Variants in PTPRD observed in about 807,000 individuals in gnomAD.
The protein encoded by PTPRD is protein tyrosine phosphatase receptor type D.
A neutral mutation model predicts 214.5 loss-of-function variants in PTPRD; 34 were observed. The observed-to-expected ratio is 0.16, with a 90% CI of 0.12 to 0.21. The LOEUF (loss-of-function observed/expected upper bound fraction) is 0.21. Ranked by LOEUF, PTPRD falls within the 10% of genes least tolerant of loss-of-function variation. PTPRD has a pLI of 1.00. For missense variants in PTPRD, 2,545 were observed against 2,398.7 expected (o/e 1.06, Z -1.27); for synonymous variants, 1,128 against 845.7 (o/e 1.33, Z -5.79).
At chr9:9,855,509 A>G (rs1206252308) in intron 5 of PTPRD, among the ~76,000 whole-genome samples, 1 of 152,226 alleles carries the variant, frequency 6.6e-6, no homozygotes, top group Non-Finnish European at 1.5e-5. Context: ...TTTAAAAGTA[A>G]AGCAGGATAT....
intron 14 of PTPRD, among the ~76,000 whole-genome samples, chr9:8,608,068 T>C (rs7853846): frequency 0.032 from 4,802 of 152,264 alleles, 273 homozygotes; most frequent in African/African-American, 0.11. Flanking sequence ...TACACTGTTT[T>C]TCCATTATTC....
intron 24 of PTPRD, among the ~76,000 whole-genome samples, 199 bp from the exon 25 acceptor site, chr9:8,500,039 C>G (rs2097359528): frequency 1.5e-5 from 1 of 65,512 alleles, no homozygotes; most frequent in South Asian, 4.0e-4. Context: ...GATCAAAAAA[C>G]ATGACCGATG....
intron 8 of PTPRD, among the ~76,000 whole-genome samples, chr9:9,555,126 GAA>G (rs2081207375): frequency 6.6e-6 from 1 of 152,042 alleles, no homozygotes; most frequent in Non-Finnish European, 1.5e-5. Flanking sequence ...ATGGACTTTA[GAA>G]GACTGTGTTT....
intron 11 of PTPRD, among the ~76,000 whole-genome samples, chr9:8,757,342 G>C (rs1018119430): frequency 6.6e-6 from 1 of 152,078 alleles, no homozygotes; most frequent in Non-Finnish European, 1.5e-5. Flanking sequence ...GTTTGAATGA[G>C]AATATGTAGA....
chr9:9,771,868 A>G (rs1278105353), intron 5 of PTPRD, among the ~76,000 whole-genome samples: 2 of 152,228 alleles, frequency 1.3e-5, no homozygotes, highest in Non-Finnish European at 2.9e-5. Context: ...ATCCAGAACA[A>G]TAAGTGTGCA....
chr9:10,587,143 T>C (rs983977871), intron 2 of PTPRD, among the ~76,000 whole-genome samples: 4 of 152,034 alleles, frequency 2.6e-5, no homozygotes, highest in Non-Finnish European at 5.9e-5. Context: ...AAAAGACCCA[T>C]TGTGACAGGT....
chr9:8,956,826 C>A (rs2099133982), intron 11 of PTPRD, among the ~76,000 whole-genome samples: 1 of 151,850 alleles, frequency 6.6e-6, no homozygotes, highest in African/African-American at 2.4e-5. Flanking sequence ...TGAATCTTAA[C>A]CCTTGATGCA....
At chr9:10,179,062 A>G (rs2099266585) in intron 3 of PTPRD, among the ~76,000 whole-genome samples, 1 of 152,046 alleles carries the variant, frequency 6.6e-6, no homozygotes, top group African/African-American at 2.4e-5. Context: ...TATGCTATAG[A>G]TAAAATGCTA....
At chr9:9,862,161 G>A (rs914478204) in intron 5 of PTPRD, among the ~76,000 whole-genome samples, 2 of 151,378 alleles carry the variant, frequency 1.3e-5, no homozygotes, top group Non-Finnish European at 2.9e-5. Flanking sequence ...CCCACAAGCA[G>A]TATTAAAGAC....
chr9:8,731,515 A>G (rs1248344043), intron 12 of PTPRD, among the ~76,000 whole-genome samples: 1 of 152,208 alleles, frequency 6.6e-6, no homozygotes, highest in Non-Finnish European at 1.5e-5. Context: ...GAATAAATCA[A>G]ATTTTTCTGT....
chr9:10,554,259 T>A (rs1035363201), intron 2 of PTPRD, among the ~76,000 whole-genome samples: 1 of 152,204 alleles, frequency 6.6e-6, no homozygotes, highest in East Asian at 1.9e-4. Context: ...TTTTCCCCAA[T>A]GGATTTTACT....
chr9:8,912,972 T>A (rs938301396), intron 11 of PTPRD, among the ~76,000 whole-genome samples: 1 of 152,128 alleles, frequency 6.6e-6, no homozygotes, highest in African/African-American at 2.4e-5. Flanking sequence ...TTAATTATAA[T>A]GATGATGATT....
chr9:8,324,679 G>C (rs143149175), intron 44 of PTPRD, among the ~76,000 whole-genome samples: 93 of 152,208 alleles, frequency 6.1e-4, no homozygotes, highest in South Asian at 3.5e-3. Context: ...TCACCAAACT[G>C]TCTTCCACAC....
intron 14 of PTPRD, among the ~76,000 whole-genome samples, chr9:8,571,432 A>G (rs1400939972): frequency 6.6e-6 from 1 of 152,176 alleles, no homozygotes; most frequent in Non-Finnish European, 1.5e-5. Context: ...GTAACTGAGA[A>G]TTCTAAAGTT....
chr9:9,956,717 G>C (rs1407952064), intron 4 of PTPRD, among the ~76,000 whole-genome samples: 3 of 152,216 alleles, frequency 2.0e-5, no homozygotes, highest in East Asian at 3.9e-4. Context: ...GCCCATAGGA[G>C]CTAGTTACCT....
chr9:9,484,918 T>A (rs553807345), intron 8 of PTPRD, among the ~76,000 whole-genome samples: 16 of 152,312 alleles, frequency 1.1e-4, no homozygotes, highest in African/African-American at 3.8e-4. Flanking sequence ...ATTAGAAGCA[T>A]CAATGCATTG....
intron 12 of PTPRD, among the ~76,000 whole-genome samples, chr9:8,728,748 G>A (rs983491412): frequency 2.0e-5 from 3 of 152,176 alleles, no homozygotes; most frequent in Non-Finnish European, 2.9e-5. Flanking sequence ...AGGAGGCTGA[G>A]GCAAGTGGAT....
chr9:8,945,488 A>G (rs1164961120), intron 11 of PTPRD, among the ~76,000 whole-genome samples: 4 of 151,814 alleles, frequency 2.6e-5, no homozygotes, highest in African/African-American at 7.3e-5. Flanking sequence ...CTGGCTATCT[A>G]CTGCAATTCA....
intron 3 of PTPRD, among the ~76,000 whole-genome samples, chr9:10,058,873 C>A (rs373184): frequency 0.21 from 31,298 of 151,926 alleles, 7,796 homozygotes; most frequent in African/African-American, 0.6. Flanking sequence ...TGCTTTGTTT[C>A]TATCGTTTGA....
Sources: allele counts gnomAD v4.1 joint callset (sites outside exome capture counted in the v4.1 genomes callset), GRCh38; gene constraint gnomAD v4.1.1; transcripts MANE v1.5; gene names NCBI Gene and HGNC (gene_info 2026-07-23, HGNC 2026-07-21).